The following ELF2 variants were observed in gnomAD, a reference collection of about 807,000 sequenced individuals.
ELF2 encodes the protein E74 like ETS transcription factor 2.
In ELF2, 11 loss-of-function variants were observed where a neutral mutation model predicts 54.8. The ratio of observed to expected loss-of-function variants is 0.20; its 90% CI spans 0.13 to 0.33. ELF2 has a LOEUF of 0.33. Ranked by LOEUF, ELF2 falls within the 10% of genes least tolerant of loss-of-function variation. ELF2 has a pLI of 1.00. For synonymous variants in ELF2, 203 were observed against 245.1 expected (o/e 0.83, Z 1.61); for missense variants, 513 against 703.0 (o/e 0.73, Z 3.06).
chr4:139,162,532 G>GAAAT (rs951622087), intron 1 of ELF2, among the ~76,000 whole-genome samples: 20 of 152,146 alleles, frequency 1.3e-4, no homozygotes, highest in African/African-American at 1.7e-4. Context: ...CTCCGTCTCA[G>GAAAT]AAATAAATAA....
intron 4 of ELF2, chr4:139,101,741 C>G (rs938321129): frequency 1.3e-5 from 2 of 152,092 alleles, no homozygotes; most frequent in African/African-American, 4.8e-5. Flanking sequence ...AAGGTTCTTC[C>G]TTTTTTATGG....
At position 139,059,537 on chromosome 4, in the gene ELF2, C is replaced by G. The variant is rs1727499867; in HGVS notation, c.1228G>C (p.Val410Leu). The G allele has an allele frequency of 6.2e-7, 1 of 1,613,694 alleles. No homozygotes were observed. The highest frequency in any genetic ancestry group is 1.3e-5 in the African/African-American group (1 of 74,896). Residue 410 changes from valine (V) to leucine (L), a missense_variant, in exon 10 of 10, where the codon GTT becomes CTT. Physicochemically the swap from Val to Leu is conservative, Grantham distance 32. Around this residue, in one of 3 missense-constraint regions of ELF2, gnomAD observed 291 missense variants for 366.1 expected, o/e 0.79. Transcript: ENST00000686138. ...GGTGCACCTGCATTAACTGACTGAACTGCCACAGTTGAAATTTTCTGACCC... is the reference window on the plus strand; with the variant it reads ...GGTGCACCTGCATTAACTGACTGAAGTGCCACAGTTGAAATTTTCTGACCC... ...SLGQKISTVA[V>L]QSVNAGAPLI...
At chr4:139,095,134 A>T (rs1733111850) in intron 4 of ELF2, among the ~76,000 whole-genome samples, 1 of 151,760 alleles carries the variant, frequency 6.6e-6, no homozygotes, top group African/African-American at 2.4e-5. Flanking sequence ...CTAGTTAGTA[A>T]AGTTGATAGC....
intron 4 of ELF2, among the ~76,000 whole-genome samples, chr4:139,078,769 C>T (rs1730670638): frequency 6.6e-6 from 1 of 151,878 alleles, no homozygotes; most frequent in Admixed American, 6.6e-5. Flanking sequence ...CAGCTATCCT[C>T]CGACCTTTTT....
Position 139,059,168 on chromosome 4 carries a change from G to T in ELF2, c.1597C>A (p.Pro533Thr). The T allele has an allele frequency of 6.2e-7, 1 of 1,613,912 alleles. No individual in the cohort carries two copies. The highest frequency in any genetic ancestry group is 2.2e-5 in the East Asian group (1 of 44,884). ...PRVISAVIKG[P>T]EVKSEAVAKK... is the part of the protein sequence containing the mutation. ...GCCACTGCTTCCGATTTAACCTCTG[G>T]CCCCTTTATGACTGCACTGATAACT... The change falls in exon 10 of 10, where the codon CCA (proline) becomes ACA (threonine). Residue 533 changes from proline (P) to threonine (T), a missense_variant. Around this residue, in one of 3 missense-constraint regions of ELF2, gnomAD observed 291 missense variants for 366.1 expected, o/e 0.79. Coordinates refer to ENST00000686138, the MANE Select transcript of ELF2 (RefSeq NM_001331036.3).
chr4:139,096,188 A>G (rs371369233), intron 4 of ELF2, among the ~76,000 whole-genome samples: 3 of 152,198 alleles, frequency 2.0e-5, no homozygotes, highest in African/African-American at 7.2e-5. Flanking sequence ...ATTATATTGG[A>G]TAAGTTTCAA....
At chr4:139,143,753 C>A (rs1738944573) in intron 1 of ELF2, among the ~76,000 whole-genome samples, 1 of 151,878 alleles carries the variant, frequency 6.6e-6, no homozygotes. Context: ...GCAATCCAGC[C>A]CGGGCAACAG....
At chr4:139,095,054 T>C (rs1321211735) in intron 4 of ELF2, among the ~76,000 whole-genome samples, 1 of 152,184 alleles carries the variant, frequency 6.6e-6, no homozygotes, top group Non-Finnish European at 1.5e-5. Flanking sequence ...CAATTTTGTT[T>C]CTTCTCTTCT....
intron 1 of ELF2, among the ~76,000 whole-genome samples, chr4:139,173,757 C>CAA (rs1195159962): frequency 0.011 from 506 of 47,480 alleles, 10 homozygotes; most frequent in African/African-American, 0.037. Context: ...GACTCCGTCT[C>CAA]AAAAAAAAAA....
chr4:139,155,205 T>C (rs1394834305), intron 1 of ELF2: 2 of 152,246 alleles, frequency 1.3e-5, no homozygotes, highest in South Asian at 2.1e-4. Context: ...GGCAGGAGGA[T>C]TGCTTGAGTC....
At chr4:139,065,819 A>G (rs1413843899) in intron 7 of ELF2, among the ~76,000 whole-genome samples, 6 of 152,224 alleles carry the variant, frequency 3.9e-5, no homozygotes, top group African/African-American at 1.2e-4. Context: ...GACAACAGTA[A>G]TAACTGTATA....
Position 139,059,562 on chromosome 4 carries a change from C to A in ELF2, c.1203G>T (p.Leu401Phe), listed in dbSNP as rs1160219450. The A allele has an allele frequency of 4.3e-6, 7 of 1,613,200 alleles. No individual in the cohort carries two copies. The highest frequency in any genetic ancestry group is 5.9e-6 in the Non-Finnish European group (7 of 1,179,866). Residue 401 changes from leucine (L) to phenylalanine (F), a missense_variant, in exon 10 of 10, where the codon TTG becomes TTT. Transcript: ENST00000686138. Reference protein sequence around the residue: ...AMQVPVVMTSLGQKISTVAVQ... With the variant: ...AMQVPVVMTSFGQKISTVAVQ... Reference sequence around the variant, plus strand: ...CTGCCACAGTTGAAATTTTCTGACCCAATGATGTCATTACAACAGGTACCT... The same window carrying A: ...CTGCCACAGTTGAAATTTTCTGACCAAATGATGTCATTACAACAGGTACCT...
chr4:139,092,667 G>T (rs1017338534), intron 4 of ELF2, among the ~76,000 whole-genome samples: 1 of 151,816 alleles, frequency 6.6e-6, no homozygotes, highest in African/African-American at 2.4e-5. Flanking sequence ...CAGACATGGC[G>T]GTGGCCGCCT....
chr4:139,150,858 A>G (rs924917425), intron 1 of ELF2, among the ~76,000 whole-genome samples: 3 of 151,892 alleles, frequency 2.0e-5, no homozygotes, highest in Middle Eastern at 3.4e-3. Flanking sequence ...CGTCTCTACT[A>G]AATAAAACAC....
intron 1 of ELF2, among the ~76,000 whole-genome samples, chr4:139,149,740 CT>C (rs1739664986): frequency 6.6e-6 from 1 of 152,028 alleles, no homozygotes; most frequent in East Asian, 1.9e-4. Context: ...CATAAAATTC[CT>C]TGAAAAAAAT....
rs1229188758 is a variant in ELF2 at position 139,114,571 on chromosome 4, A to T, written c.238+10593T>A. Among the ~76,000 whole-genome samples the T allele has an allele frequency of 4.0e-3, 480 of 118,742 alleles. 2 individuals carry two copies. The highest frequency in any genetic ancestry group is 0.011 in the African/African-American group (377 of 34,670). 77.9% of individuals were successfully genotyped at this position (118,742 alleles called of 152,430 possible). A position where few individuals can be genotyped will look rare whatever the true frequency, so the allele number is the denominator to read the frequency against. ...AGCGAGACTTCAGTCTCACACACAC[A>T]CACACACACACACACACACACACAC... On this transcript the variant is annotated intron_variant, in intron 4 of 9. Coordinates refer to ENST00000686138, the MANE Select transcript of ELF2 (RefSeq NM_001331036.3).
intron 1 of ELF2, among the ~76,000 whole-genome samples, chr4:139,167,662 A>G (rs1430531813): frequency 6.6e-6 from 1 of 152,174 alleles, no homozygotes; most frequent in African/African-American, 2.4e-5. Context: ...CTCCAATCCA[A>G]CTTTCTTCCA....
chr4:139,059,194 C>A lies in ELF2; in HGVS notation c.1571G>T (p.Arg524Leu). The change falls in exon 10 of 10, where the codon CGA (arginine) becomes CTA (leucine). Residue 524 changes from arginine (R) to leucine (L), a missense_variant. Transcript: ENST00000686138. ...TQQASGQTPP[R>L]VISAVIKGPE... ...CCCCTTTATGACTGCACTGATAACT[C>A]GAGGAGGAGTCTGGCCAGATGCCTG... 2 of 1,613,896 alleles carry A rather than the reference C, an allele frequency of 1.2e-6. No homozygotes were observed. The highest frequency in any genetic ancestry group is 2.2e-5 in the South Asian group (2 of 91,074).
intron 1 of ELF2, among the ~76,000 whole-genome samples, chr4:139,143,947 T>C (rs1390996720): frequency 6.6e-6 from 1 of 151,816 alleles, no homozygotes; most frequent in East Asian, 1.9e-4. Context: ...ATTTAAATTT[T>C]AATTAAAAAA....
Sources: allele counts gnomAD v4.1 joint callset (sites outside exome capture counted in the v4.1 genomes callset), GRCh38; gene constraint gnomAD v4.1.1; regional missense constraint gnomAD v4.1.1; transcripts MANE v1.5; gene names NCBI Gene and HGNC (gene_info 2026-07-23, HGNC 2026-07-21).